PIK3R4: variants seen among roughly 807,000 people sequenced by gnomAD.
PIK3R4 encodes phosphoinositide 3-kinase regulatory subunit 4.
A neutral mutation model predicts 136.5 loss-of-function variants in PIK3R4; 46 were observed. The observed-to-expected ratio is 0.34, with a 90% CI of 0.27 to 0.43. The LOEUF is 0.43. Ranked by LOEUF, PIK3R4 falls within the 20% of genes least tolerant of loss-of-function variation. The probability of loss-of-function intolerance (pLI) is 1.00; values close to 1 mark genes in which losing one functional copy is unlikely to be tolerated. For synonymous variants in PIK3R4, 557 were observed against 566.7 expected (o/e 0.98, Z 0.24); for missense variants, 1,331 against 1,649.5 (o/e 0.81, Z 3.35).
At chr3:130,686,698 T>C (rs2066492975) in intron 14 of PIK3R4, among the ~76,000 whole-genome samples, 1 of 152,182 alleles carries the variant, frequency 6.6e-6, no homozygotes, top group Admixed American at 6.5e-5. Context: ...AACCTTGCTA[T>C]AATACTAGTA....
chr3:130,740,799 T>C (rs1193449449), intron 2 of PIK3R4, among the ~76,000 whole-genome samples: 1 of 151,810 alleles, frequency 6.6e-6, no homozygotes, highest in Non-Finnish European at 1.5e-5. Context: ...CCATAATATA[T>C]GTAACTTATT....
At chr3:130,738,936 G>A (rs773614442) in intron 2 of PIK3R4, among the ~76,000 whole-genome samples, 8 of 152,352 alleles carry the variant, frequency 5.3e-5, no homozygotes, top group South Asian at 4.1e-4. Flanking sequence ...TGTGGAGGAC[G>A]TATTTGAGTG....
intron 14 of PIK3R4, among the ~76,000 whole-genome samples, chr3:130,687,076 T>G (rs1423905575): frequency 1.3e-5 from 2 of 151,680 alleles, no homozygotes; most frequent in African/African-American, 4.8e-5. Flanking sequence ...TTTGGGTTTT[T>G]TTTTTTTTTT....
At chr3:130,721,332 G>C (rs1010617156) in intron 7 of PIK3R4, among the ~76,000 whole-genome samples, 2 of 142,456 alleles carry the variant, frequency 1.4e-5, no homozygotes, top group African/African-American at 5.3e-5. Flanking sequence ...GCGAGACTCC[G>C]TCTCAAAAAA....
chr3:130,723,749 G>A, intron 6 of PIK3R4, 162 bp from the exon 7 acceptor site: 1 of 524,438 alleles, frequency 1.9e-6, no homozygotes, highest in Non-Finnish European at 3.2e-6. Flanking sequence ...AAGACCCACA[G>A]CAAGGCAAAT....
chr3:130,705,699 T>C lies in PIK3R4; in HGVS notation c.2794A>G (p.Thr932Ala). Residue 932 changes from threonine (T) to alanine (A), a missense_variant, in exon 12 of 20, where the codon ACC becomes GCC. Thr to Ala is a moderately conservative substitution (Grantham distance 58). Transcript: ENST00000356763. ...CAAGTTGTAATTCGAATCTGATAGGTGGATGGTAAGATTGTACTACTTAAA... is the reference window on the plus strand; with the variant it reads ...CAAGTTGTAATTCGAATCTGATAGGCGGATGGTAAGATTGTACTACTTAAA... Reference protein sequence around the residue: ...PVLSSTILPSTYQIRITTCKT... With the variant: ...PVLSSTILPSAYQIRITTCKT... 6.2e-7 allele frequency: 1 copy of C among 1,612,214 alleles called. No homozygotes were observed. Among genetic ancestry groups the C allele is most frequent in the Non-Finnish European group, 8.5e-7 (1 of 1,178,300 alleles).
chr3:130,712,955 A>C (rs1487775114), intron 9 of PIK3R4, among the ~76,000 whole-genome samples: 3 of 152,156 alleles, frequency 2.0e-5, no homozygotes, highest in Admixed American at 6.5e-5. Context: ...CTTTGGAATC[A>C]GATAGGTTTA....
intron 2 of PIK3R4, among the ~76,000 whole-genome samples, chr3:130,742,650 AT>A (rs1338963358): frequency 6.6e-6 from 1 of 152,220 alleles, no homozygotes; most frequent in Non-Finnish European, 1.5e-5. Flanking sequence ...GAATAACATT[AT>A]TCATTCTGGT....
In PIK3R4 at chr3:130,699,953, A is replaced by C. The variant is rs1051453849; in HGVS notation, c.3098+3770T>G. Among the ~76,000 whole-genome samples the C allele has an allele frequency of 4.6e-5, 7 of 152,320 alleles. No individual in the cohort carries two copies. In the South Asian group the frequency reaches 1.4e-3, roughly 32 times the overall value. On this transcript the variant is annotated intron_variant, in intron 13 of 19. Coordinates refer to ENST00000356763, the MANE Select transcript of PIK3R4 (RefSeq NM_014602.3). ...AAAAAACCTCCAGGAAAGAGGTATC[A>C]ATTGCATTCCACCAGAGGGCACTAT... is the stretch of plus-strand genomic sequence containing the variant.
chr3:130,730,515 C>A, intron 4 of PIK3R4, 73 bp from the exon 5 acceptor site: 1 of 1,062,100 alleles, frequency 9.4e-7, no homozygotes, highest in South Asian at 1.8e-5. Context: ...CTTTTCCTCC[C>A]TGTCTTTATA....
At chr3:130,702,582 T>A in intron 13 of PIK3R4, among the ~76,000 whole-genome samples, 1 of 152,206 alleles carries the variant, frequency 6.6e-6, no homozygotes, top group Non-Finnish European at 1.5e-5. Context: ...TCTCCACATC[T>A]GTTTACACAG....
Position 130,686,345 on chromosome 3 carries a change from T to C in PIK3R4, c.3341A>G (p.Tyr1114Cys), listed in dbSNP as rs372167716. 1.1e-5 allele frequency: 17 copies of C among 1,612,614 alleles called. No homozygotes were observed. The highest frequency in any genetic ancestry group is 6.7e-5 in the East Asian group (3 of 44,876). Residue 1114 changes from tyrosine (Y) to cysteine (C), a missense_variant, in exon 15 of 20, where the codon TAT (tyrosine) becomes TGT (cysteine). By Grantham distance (194) the Tyr-to-Cys change is radical (BLOSUM62 -2). Coordinates refer to ENST00000356763, the MANE Select transcript of PIK3R4 (RefSeq NM_014602.3). ...AACCAGAGAGCCATTCACAGTGGCA[T>C]AGGCAAGAACAGACTGTGCTCCAGA... ...FNSGAQSVLA[Y>C]ATVNGSLVGW...
Position 130,680,732 on chromosome 3 carries a change from G to A in PIK3R4, c.3798-11C>T, listed in dbSNP as rs1055945273. The stretch of plus-strand genomic sequence containing the variant: ...GCCAAGTCCCAAAACCTAGGAAAGA[G>A]GAAATAAATGATGACAATCTCTTCA... On this transcript the variant is annotated splice_polypyrimidine_tract_variant and intron_variant, in intron 18 of 19. Coordinates refer to ENST00000356763, the MANE Select transcript of PIK3R4 (RefSeq NM_014602.3). 3 of 1,497,610 alleles carry A rather than the reference G, an allele frequency of 2.0e-6. No homozygotes were observed. The highest frequency in any genetic ancestry group is 1.7e-5 in the Admixed American group (1 of 58,214). 92.8% of individuals were successfully genotyped at this position (1,497,610 alleles called of 1,614,324 possible).
At chr3:130,721,150 A>G (rs989101559) in intron 7 of PIK3R4, among the ~76,000 whole-genome samples, 1 of 151,712 alleles carries the variant, frequency 6.6e-6, no homozygotes, top group Non-Finnish European at 1.5e-5. Context: ...CCTGGCTAAC[A>G]CGGTGAAACC....
intron 9 of PIK3R4, among the ~76,000 whole-genome samples, chr3:130,709,035 C>G (rs2066620938): frequency 6.6e-6 from 1 of 152,030 alleles, no homozygotes; most frequent in South Asian, 2.1e-4. Flanking sequence ...AGCAACAAAC[C>G]CAGTAGCAAT....
intron 3 of PIK3R4, among the ~76,000 whole-genome samples, chr3:130,735,542 C>T (rs779268223): frequency 3.3e-5 from 5 of 152,194 alleles, no homozygotes; most frequent in Non-Finnish European, 7.4e-5. Context: ...TTCTTCATTT[C>T]TTACTAGCAA....
rs1576447614 is a variant in PIK3R4 at position 130,679,113 on chromosome 3, G to C, written c.*202C>G. 3.0e-6 allele frequency: 1 copy of C among 338,916 alleles called. No individual in the cohort carries two copies. The highest frequency in any genetic ancestry group is 5.3e-6 in the Non-Finnish European group (1 of 189,256). The allele number at this position is 338,916 out of a possible 1,614,324, so 21.0% of individuals were successfully genotyped here. On this transcript the variant is annotated 3_prime_UTR_variant, in exon 20 of 20. Coordinates refer to ENST00000356763, the MANE Select transcript of PIK3R4 (RefSeq NM_014602.3). ...AAATCCCAGACATTGTTGGCTGGCT[G>C]ATTCTTGCAAAGAGATGCATAAGTA...
chr3:130,722,872 T>C (rs1198328397), intron 7 of PIK3R4, among the ~76,000 whole-genome samples: 4 of 146,042 alleles, frequency 2.7e-5, no homozygotes, highest in East Asian at 4.0e-4. Flanking sequence ...CTGGCCAACA[T>C]GGTAAAACCC....
chr3:130,679,243 C>CTCTAG lies in PIK3R4; in HGVS notation c.*67_*71dup. 1.1e-6 allele frequency: 1 copy of CTCTAG among 945,042 alleles called. No homozygotes were observed. Among genetic ancestry groups the CTCTAG allele is most frequent in the Non-Finnish European group, 1.5e-6 (1 of 673,594 alleles). The allele number at this position is 945,042 out of a possible 1,614,324, so 58.5% of individuals were successfully genotyped here. Reference sequence around the variant, plus strand: ...TGAAAATTAAGCAAATGAATCTGTTCTCTAGAAATGCCTTTTCTCGAGTTA... The same window carrying CTCTAG: ...TGAAAATTAAGCAAATGAATCTGTTCTCTAGTCTAGAAATGCCTTTTCTCGAGTTA... On this transcript the variant is annotated 3_prime_UTR_variant, in exon 20 of 20. Transcript: ENST00000356763.
Sources: allele counts gnomAD v4.1 joint callset (sites outside exome capture counted in the v4.1 genomes callset), GRCh38; gene constraint gnomAD v4.1.1; transcripts MANE v1.5; gene names NCBI Gene and HGNC (gene_info 2026-07-23, HGNC 2026-07-21).